The following RB1 variants were observed in gnomAD, a reference collection of about 807,000 sequenced individuals.
The protein encoded by RB1 is retinoblastoma-associated protein.
In RB1, 18 loss-of-function variants were observed where a neutral mutation model predicts 135.4. The ratio of observed to expected loss-of-function variants is 0.13; its 90% CI spans 0.09 to 0.20. The LOEUF (loss-of-function observed/expected upper bound fraction) is 0.20. Among genes scored for constraint, RB1 ranks in the 10% least tolerant of loss-of-function variants. The pLI is 1.00. For missense variants in RB1, 868 were observed against 1,110.0 expected (o/e 0.78, Z 3.10); for synonymous variants, 365 against 373.2 (o/e 0.98, Z 0.25).
chr13:48,316,719 T>TCA lies in RB1; in HGVS notation c.264+9377_264+9378dup, dbSNP rs60176662. 1.9e-3 allele frequency: 203 copies of TCA among 107,590 alleles called. 2 individuals are homozygous for TCA. Among genetic ancestry groups the TCA allele is most frequent in the Middle Eastern group, 4.2e-3 (1 of 238 alleles). The allele number at this position is 107,590 out of a possible 1,614,324, so 6.7% of individuals were successfully genotyped here. On this transcript the variant is annotated intron_variant, in intron 2 of 26. Coordinates refer to ENST00000267163, the MANE Select transcript of RB1 (RefSeq NM_000321.3). ...TCTCCTCCCTGCAACCACAGAACCATCACACACACACACACACACACACAC... is the reference window on the plus strand; with the variant it reads ...TCTCCTCCCTGCAACCACAGAACCATCACACACACACACACACACACACACAC...
At position 48,459,810 on chromosome 13, in the gene RB1, A is replaced by C. The variant is rs1949384922; in HGVS notation, c.2083A>C (p.Met695Leu). 6.2e-7 allele frequency: 1 copy of C among 1,613,968 alleles called. No homozygotes were observed. The highest frequency in any genetic ancestry group is 2.2e-5 in the East Asian group (1 of 44,872). Reference protein sequence around the residue: ...QHTLQNEYELMRDRHLDQIMM... With the variant: ...QHTLQNEYELLRDRHLDQIMM... The stretch of plus-strand genomic sequence containing the variant: ...CACCCTGCAGAATGAGTATGAACTC[A>C]TGAGAGACAGGCATTTGGACCAAGT... The change falls in exon 20 of 27, where the codon ATG (methionine) becomes CTG (leucine). Residue 695 changes from methionine (M) to leucine (L), a missense_variant. Met to Leu is a conservative substitution (Grantham distance 15). Around this residue, in one of 3 missense-constraint regions of RB1, gnomAD observed 31 missense variants for 78.9 expected, o/e 0.39. Coordinates refer to ENST00000267163, the MANE Select transcript of RB1 (RefSeq NM_000321.3).
chr13:48,318,805 C>T, intron 2 of RB1: 1 of 864,366 alleles, frequency 1.2e-6, no homozygotes, highest in Non-Finnish European at 1.9e-6. Context: ...GGGCCCTGGG[C>T]AGCCTGCGAG....
chr13:48,440,070 T>C (rs1949222145), intron 17 of RB1, among the ~76,000 whole-genome samples: 1 of 152,148 alleles, frequency 6.6e-6, no homozygotes. Flanking sequence ...TAGAATCTGC[T>C]TAGGAGCTTT....
intron 17 of RB1, among the ~76,000 whole-genome samples, chr13:48,428,745 G>T (rs905394952): frequency 2.0e-5 from 3 of 152,140 alleles, no homozygotes; most frequent in Admixed American, 1.3e-4. Flanking sequence ...TAAAAAGTTT[G>T]CATTTGTACA....
chr13:48,440,004 A>G (rs952621582), intron 17 of RB1, among the ~76,000 whole-genome samples: 2 of 152,192 alleles, frequency 1.3e-5, no homozygotes, highest in African/African-American at 4.8e-5. Context: ...TTTTATATGT[A>G]TATGAGAGAA....
At chr13:48,320,291 C>A in intron 2 of RB1, 1 of 1,226,132 alleles carries the variant, frequency 8.2e-7, no homozygotes, top group East Asian at 2.4e-5. Flanking sequence ...TCGGTGGTGC[C>A]CCGAGCAACC....
intron 17 of RB1, among the ~76,000 whole-genome samples, chr13:48,452,150 C>A (rs527793901): frequency 6.6e-6 from 1 of 152,016 alleles, no homozygotes; most frequent in East Asian, 1.9e-4. Flanking sequence ...CTTCTGCTAG[C>A]TTTGGGGTTT....
At chr13:48,479,203 G>A (rs770642351) in intron 26 of RB1, among the ~76,000 whole-genome samples, 1 of 152,050 alleles carries the variant, frequency 6.6e-6, no homozygotes, top group Admixed American at 6.6e-5. Flanking sequence ...ACTCCAGCTT[G>A]GGCAACAGAG....
In RB1 at chr13:48,303,948, C is replaced by T. The variant is rs779180897; in HGVS notation, c.36C>T (p.Thr12=). Residue 12 remains threonine (T), a synonymous_variant, in exon 1 of 27, where the codon ACC becomes ACT. Coordinates refer to ENST00000267163, the MANE Select transcript of RB1 (RefSeq NM_000321.3). ...AAACCCCCCGAAAAACGGCCGCCAC[C>T]GCCGCCGCTGCCGCCGCGGAACCCC... ...PPKTPRKTAA[T]AAAAAAEPPA... The T allele has an allele frequency of 2.0e-5, 30 of 1,509,404 alleles. No individual in the cohort carries two copies. In the South Asian group the frequency reaches 3.3e-4, roughly 17 times the overall value. 93.5% of individuals were successfully genotyped at this position (1,509,404 alleles called of 1,614,324 possible).
At chr13:48,316,138 C>T (rs1171080893) in intron 2 of RB1, among the ~76,000 whole-genome samples, 4 of 152,114 alleles carry the variant, frequency 2.6e-5, no homozygotes, top group South Asian at 2.1e-4. Context: ...CGCTGACATC[C>T]GCGGGGATTT....
intron 17 of RB1, among the ~76,000 whole-genome samples, chr13:48,393,620 T>C (rs1342996416): frequency 6.6e-6 from 1 of 152,206 alleles, no homozygotes; most frequent in East Asian, 1.9e-4. Context: ...TATTTACAAA[T>C]ATGAAATATG....
chr13:48,476,995 G>A (rs1250760789), intron 25 of RB1, 152 bp downstream of exon 25: 2 of 1,000,794 alleles, frequency 2.0e-6, no homozygotes, highest in Non-Finnish European at 3.1e-6. Flanking sequence ...TATGAGTGTA[G>A]TGCAAAGTTA....
intron 17 of RB1, among the ~76,000 whole-genome samples, chr13:48,424,358 T>C (rs561942467): frequency 6.6e-6 from 1 of 152,324 alleles, no homozygotes; most frequent in South Asian, 2.1e-4. Context: ...ATGTGAGTCA[T>C]CTACCCAAGT....
chr13:48,404,533 T>C (rs558819769), intron 17 of RB1, among the ~76,000 whole-genome samples: 98 of 151,894 alleles, frequency 6.5e-4, no homozygotes, highest in Non-Finnish European at 6.9e-4. Flanking sequence ...GTGGATACTT[T>C]TTGTTTTTTT....
chr13:48,465,123 G>T lies in RB1; in HGVS notation c.2325+12G>T. Reference sequence around the variant, plus strand: ...ATGCTTCCACCAGGGTAGGTCAAAAGTATCCTTTGATTGGAAAAATCTAAT... The same window carrying T: ...ATGCTTCCACCAGGGTAGGTCAAAATTATCCTTTGATTGGAAAAATCTAAT... On this transcript the variant is annotated intron_variant, in intron 22 of 26. Transcript: ENST00000267163. 1 of 1,613,676 alleles carries T rather than the reference G, an allele frequency of 6.2e-7. No individual in the cohort carries two copies. Among genetic ancestry groups the T allele is most frequent in the Non-Finnish European group, 8.5e-7 (1 of 1,179,728 alleles).
chr13:48,406,509 CT>C (rs1246706543), intron 17 of RB1: 1 of 152,176 alleles, frequency 6.6e-6, no homozygotes, highest in Non-Finnish European at 1.5e-5. Context: ...ACAAATGCAT[CT>C]CTACCCTGTA....
chr13:48,442,234 T>C (rs1249003638), intron 17 of RB1, among the ~76,000 whole-genome samples: 1 of 151,960 alleles, frequency 6.6e-6, no homozygotes, highest in Non-Finnish European at 1.5e-5. Context: ...GGAGTCTTGC[T>C]CTGTTGCCCA....
chr13:48,429,976 A>C (rs1257088587), intron 17 of RB1, among the ~76,000 whole-genome samples: 1 of 152,232 alleles, frequency 6.6e-6, no homozygotes, highest in Non-Finnish European at 1.5e-5. Flanking sequence ...ATTTAATGCC[A>C]ATCCAGTAAA....
In RB1 at chr13:48,360,038, A is replaced by G; in HGVS notation, c.629A>G (p.Asp210Gly). ...TCAGGGGAAGTATTACAAATGGAAG[A>G]TGATCTGGTGATTTCATTTCAGTTA... is the stretch of plus-strand genomic sequence containing the variant. ...LAKGEVLQME[D>G]DLVISFQLML... Residue 210 changes from aspartate (D) to glycine (G), a missense_variant, in exon 7 of 27, where the codon GAT becomes GGT. Physicochemically the swap from Asp to Gly is moderately conservative, Grantham distance 94. Around this residue, in one of 3 missense-constraint regions of RB1, gnomAD observed 641 missense variants for 791.3 expected, o/e 0.81. Transcript: ENST00000267163. 1 of 1,612,516 alleles carries G rather than the reference A, an allele frequency of 6.2e-7. No homozygotes were observed. The highest frequency in any genetic ancestry group is 8.5e-7 in the Non-Finnish European group (1 of 1,179,230).
Sources: allele counts gnomAD v4.1 joint callset (sites outside exome capture counted in the v4.1 genomes callset), GRCh38; gene constraint gnomAD v4.1.1; regional missense constraint gnomAD v4.1.1; transcripts MANE v1.5; gene names NCBI Gene and HGNC (gene_info 2026-07-23, HGNC 2026-07-21).